MECOM: variants seen among roughly 807,000 people sequenced by gnomAD.
MECOM encodes MDS1 and EVI1 complex locus.
A neutral mutation model predicts 116.3 loss-of-function variants in MECOM; 13 were observed. The observed-to-expected ratio is 0.11, with a 90% confidence interval of 0.07 to 0.18. The LOEUF (loss-of-function observed/expected upper bound fraction) is 0.18. Among genes scored for constraint, MECOM ranks in the 10% least tolerant of loss-of-function variants. The pLI, the probability that MECOM is intolerant of heterozygous loss-of-function variation, is 1.00. For synonymous variants in MECOM, 528 were observed against 535.2 expected, an observed-to-expected ratio of 0.99 and a Z score of 0.19; for missense variants, 1,299 against 1,509.0, an observed-to-expected ratio of 0.86 and a Z score of 2.31.
At chr3:169,161,860 A>C (rs1742897645) in intron 2 of MECOM, among the ~76,000 whole-genome samples, 1 of 152,096 alleles carries the variant, frequency 6.6e-6, no homozygotes, top group South Asian at 2.1e-4. Context: ...TGCGGGGAAC[A>C]ATTAGGATGT....
At chr3:169,298,277 C>T (rs918380429) in intron 2 of MECOM, among the ~76,000 whole-genome samples, 19 of 151,944 alleles carry the variant, frequency 1.3e-4, no homozygotes, top group African/African-American at 4.6e-4. Flanking sequence ...TTAATATACA[C>T]CATATTAAAT....
At chr3:169,196,001 G>A (rs1559979412) in intron 2 of MECOM, among the ~76,000 whole-genome samples, 1 of 151,938 alleles carries the variant, frequency 6.6e-6, no homozygotes, top group Admixed American at 6.6e-5. Context: ...TATGCTCTCT[G>A]GCTAAACTTT....
chr3:169,629,564 T>G (rs1304217253), intron 1 of MECOM, among the ~76,000 whole-genome samples: 1 of 152,204 alleles, frequency 6.6e-6, no homozygotes, highest in Non-Finnish European at 1.5e-5. Flanking sequence ...CTCCTGCTGT[T>G]GGAATAGGCA....
chr3:169,406,740 G>A (rs1454300433), intron 1 of MECOM, among the ~76,000 whole-genome samples: 3 of 151,988 alleles, frequency 2.0e-5, no homozygotes, highest in African/African-American at 7.2e-5. Flanking sequence ...AAGGCTCAGA[G>A]AGTTTATGTG....
chr3:169,645,124 A>G (rs1048433767), intron 1 of MECOM, among the ~76,000 whole-genome samples: 1 of 152,182 alleles, frequency 6.6e-6, no homozygotes, highest in African/African-American at 2.4e-5. Flanking sequence ...ACAACAACAA[A>G]TGAGATTATT....
intron 2 of MECOM, among the ~76,000 whole-genome samples, chr3:169,275,315 C>T (rs910849309): frequency 1.2e-4 from 18 of 152,198 alleles, no homozygotes; most frequent in African/African-American, 4.3e-4. Flanking sequence ...AACATTCTTA[C>T]ACAGAAAGGA....
At chr3:169,547,714 G>A (rs1302387797) in intron 1 of MECOM, among the ~76,000 whole-genome samples, 2 of 152,066 alleles carry the variant, frequency 1.3e-5, no homozygotes, top group South Asian at 4.2e-4. Flanking sequence ...CTCAAGACTA[G>A]ATCATCCTGG....
At chr3:169,417,344 A>G (rs1166492021) in intron 1 of MECOM, among the ~76,000 whole-genome samples, 1 of 151,226 alleles carries the variant, frequency 6.6e-6, no homozygotes, top group Non-Finnish European at 1.5e-5. Flanking sequence ...GCAGCCAAAA[A>G]ACACATGAAA....
At chr3:169,401,979 CA>C (rs564030250) in intron 1 of MECOM, among the ~76,000 whole-genome samples, 1 of 151,826 alleles carries the variant, frequency 6.6e-6, no homozygotes, top group Non-Finnish European at 1.5e-5. Flanking sequence ...CACTCTGATT[CA>C]AAAAAGAGGA....
intron 1 of MECOM, among the ~76,000 whole-genome samples, chr3:169,406,897 A>C (rs1464490431): frequency 6.7e-6 from 1 of 149,922 alleles, no homozygotes; most frequent in African/African-American, 2.5e-5. Flanking sequence ...GCTGGAGTGC[A>C]GTGATGCAAT....
intron 1 of MECOM, among the ~76,000 whole-genome samples, chr3:169,560,927 T>C (rs1762564494): frequency 6.6e-6 from 1 of 151,986 alleles, no homozygotes; most frequent in Non-Finnish European, 1.5e-5. Flanking sequence ...AAGAGGTTTC[T>C]ACAAACGGCA....
At chr3:169,149,786 A>G (rs73167976) in intron 2 of MECOM, 36,428 of 424,578 alleles carry the variant, frequency 0.086, 2,201 homozygotes, top group South Asian at 0.18. Context: ...TTGCATCATC[A>G]TTATTATTAT....
At chr3:169,233,007 C>T (rs1187132988) in intron 2 of MECOM, among the ~76,000 whole-genome samples, 1 of 152,022 alleles carries the variant, frequency 6.6e-6, no homozygotes, top group Non-Finnish European at 1.5e-5. Flanking sequence ...GGGGGTTCTT[C>T]GTAGACCGAG....
At chr3:169,584,630 C>G (rs992051691) in intron 1 of MECOM, among the ~76,000 whole-genome samples, 1 of 151,292 alleles carries the variant, frequency 6.6e-6, no homozygotes, top group Non-Finnish European at 1.5e-5. Flanking sequence ...TGGGAAGGCT[C>G]AAAAGGAGGA....
chr3:169,545,047 A>AT (rs998907924), intron 1 of MECOM, among the ~76,000 whole-genome samples: 3 of 152,128 alleles, frequency 2.0e-5, no homozygotes, highest in African/African-American at 7.2e-5. Flanking sequence ...TTTAAAAAAA[A>AT]TTTTTTTAAT....
At chr3:169,657,450 T>G (rs1476027348) in intron 1 of MECOM, among the ~76,000 whole-genome samples, 1 of 152,242 alleles carries the variant, frequency 6.6e-6, no homozygotes, top group East Asian at 1.9e-4. Flanking sequence ...GTAGCTTTTA[T>G]GAAAGAGGTG....
chr3:169,398,317 G>A (rs1300730552), intron 1 of MECOM, among the ~76,000 whole-genome samples: 1 of 151,978 alleles, frequency 6.6e-6, no homozygotes, highest in Non-Finnish European at 1.5e-5. Flanking sequence ...ACATTTGGGG[G>A]CACATAAATA....
intron 1 of MECOM, among the ~76,000 whole-genome samples, chr3:169,556,331 AT>A (rs1185897492): frequency 6.6e-6 from 1 of 152,112 alleles, no homozygotes; most frequent in East Asian, 1.9e-4. Context: ...GGTGGTAGTG[AT>A]GTTTTGAATA....
chr3:169,292,387 A>G (rs1714739113), intron 2 of MECOM, among the ~76,000 whole-genome samples: 1 of 152,154 alleles, frequency 6.6e-6, no homozygotes, highest in Non-Finnish European at 1.5e-5. Context: ...TTGAACTGAT[A>G]GATGATGAAG....
Sources: gnomAD v4.1 joint callset for allele counts (sites outside exome capture counted in the v4.1 genomes callset) on GRCh38, gnomAD v4.1.1 for gene constraint, MANE v1.5 for transcripts, NCBI Gene and HGNC (gene_info 2026-07-23, HGNC 2026-07-21) for gene names.